The following PTPRG variants were observed in gnomAD, a reference collection of about 807,000 sequenced individuals.
The protein encoded by PTPRG is receptor-type tyrosine-protein phosphatase gamma.
In PTPRG, 102 loss-of-function variants were observed where a neutral mutation model predicts 165.3. The observed-to-expected ratio is 0.62, with a 90% CI of 0.53 to 0.73. The LOEUF (loss-of-function observed/expected upper bound fraction) is 0.73. Among genes scored for constraint, PTPRG ranks in the 30% least tolerant of loss-of-function variants. PTPRG has a pLI of 0.00. For synonymous variants in PTPRG, 675 were observed against 669.5 expected, an observed-to-expected ratio of 1.01 and a Z score of -0.13; for missense variants, 1,866 against 1,861.4, an observed-to-expected ratio of 1.00 and a Z score of -0.05.
chr3:61,895,409 A>AT (rs1163606928), intron 2 of PTPRG, among the ~76,000 whole-genome samples: 1 of 151,984 alleles, frequency 6.6e-6, no homozygotes, highest in African/African-American at 2.4e-5. Context: ...TTGTCTTTTT[A>AT]TTTTTTCTTA....
intron 2 of PTPRG, among the ~76,000 whole-genome samples, chr3:61,862,886 C>G (rs867463936): frequency 6.6e-6 from 1 of 152,290 alleles, no homozygotes; most frequent in East Asian, 1.9e-4. Context: ...CCAAGTCCCT[C>G]CTACTATGTG....
intron 4 of PTPRG, among the ~76,000 whole-genome samples, chr3:62,046,031 C>T (rs184501087): frequency 6.6e-6 from 1 of 152,108 alleles, no homozygotes; most frequent in African/African-American, 2.4e-5. Context: ...TTCTCTTCCC[C>T]CTGTGAGGTG....
chr3:62,231,947 C>T (rs367546504), intron 14 of PTPRG, among the ~76,000 whole-genome samples: 23 of 152,052 alleles, frequency 1.5e-4, no homozygotes, highest in East Asian at 9.7e-4. Flanking sequence ...TTTTAATCAC[C>T]ACACTTGAGT....
At chr3:61,753,208 TAA>T (rs1395883651) in intron 2 of PTPRG, among the ~76,000 whole-genome samples, 1 of 152,202 alleles carries the variant, frequency 6.6e-6, no homozygotes, top group African/African-American at 2.4e-5. Flanking sequence ...AACATAAATA[TAA>T]GTTATTGTTG....
At chr3:62,176,389 G>A (rs1308540426) in intron 8 of PTPRG, among the ~76,000 whole-genome samples, 2 of 152,160 alleles carry the variant, frequency 1.3e-5, no homozygotes, top group African/African-American at 2.4e-5. Context: ...GAGCTCAGAC[G>A]TGAACCAAGA....
chr3:62,273,816 G>C lies in PTPRG; in HGVS notation c.3437G>C (p.Gly1146Ala), dbSNP rs770154100. 4 of 1,613,610 alleles carry C rather than the reference G, an allele frequency of 2.5e-6. No individual in the cohort carries two copies. The highest frequency in any genetic ancestry group is 3.3e-5 in the Admixed American group (2 of 59,960). ...AGCATCCTTATACCAGGAGTAGGAG[G>C]AAAGACACGACTGGAAAAGCAATTC... is the stretch of plus-strand genomic sequence containing the variant. ...VNSILIPGVG[G>A]KTRLEKQFKL... is the part of the protein sequence containing the mutation. Residue 1146 changes from glycine (G) to alanine (A), a missense_variant, in exon 23 of 30, where the codon GGA (glycine) becomes GCA (alanine). This residue lies in a region of PTPRG where 1,452 missense variants were observed against 1,463.0 expected (regional missense o/e 0.99). Coordinates refer to ENST00000474889, the MANE Select transcript of PTPRG (RefSeq NM_002841.4). The surrounding 1 kb of genome is among the most constrained non-coding windows in gnomAD (Gnocchi z 4.1).
At position 61,742,952 on chromosome 3, in the gene PTPRG, C is replaced by T; in HGVS notation, c.86-5926C>T. ...GGGCGGGGAGTGGACTTAAGTCTGA[C>T]GGTGCCCGAGAAGCACTTGTCCTTC... On this transcript the variant is annotated intron_variant, in intron 1 of 29. Transcript: ENST00000474889. 5 of 1,478,372 alleles carry T rather than the reference C, an allele frequency of 3.4e-6. No individual in the cohort carries two copies. The Admixed American group carries it at 5.0e-5, about 15-fold the overall frequency. The allele number at this position is 1,478,372 out of a possible 1,614,324, so 91.6% of individuals were successfully genotyped here. A position where few individuals can be genotyped will look rare whatever the true frequency, so the allele number is the denominator to read the frequency against.
chr3:62,189,938 C>T (rs1699766086), intron 8 of PTPRG, among the ~76,000 whole-genome samples: 2 of 152,166 alleles, frequency 1.3e-5, no homozygotes, highest in South Asian at 4.1e-4. Flanking sequence ...CCCACCGGAT[C>T]CCTTTACAGC....
chr3:62,195,053 T>TA lies in PTPRG; in HGVS notation c.1219-8dup, dbSNP rs1440569430. 1.2e-6 allele frequency: 2 copies of TA among 1,613,330 alleles called. No homozygotes were observed. The highest frequency in any genetic ancestry group is 1.7e-6 in the Non-Finnish European group (2 of 1,179,370). On this transcript the variant is annotated splice_polypyrimidine_tract_variant and intron_variant, in intron 9 of 29. Coordinates refer to ENST00000474889, the MANE Select transcript of PTPRG (RefSeq NM_002841.4). The surrounding 1 kb of genome is among the most constrained non-coding windows in gnomAD (Gnocchi z 4.4). Reference sequence around the variant, plus strand: ...ACTAACTCACTGCTTTTTCCTTCTTTACTTACAGAAAGCCACCATTAGCCA... The same window carrying TA: ...ACTAACTCACTGCTTTTTCCTTCTTTAACTTACAGAAAGCCACCATTAGCCA...
chr3:61,711,595 C>T (rs964160698), intron 1 of PTPRG, among the ~76,000 whole-genome samples: 15 of 152,076 alleles, frequency 9.9e-5, no homozygotes, highest in East Asian at 1.9e-4. Flanking sequence ...TCATATCCTT[C>T]GCCCACTTTT....
At position 62,271,595 on chromosome 3, in the gene PTPRG, G is replaced by C. The variant is rs756472050; in HGVS notation, c.3182+40G>C. On this transcript the variant is annotated intron_variant, in intron 21 of 29. Transcript: ENST00000474889. This position sits in a 1 kb window ranked among gnomAD's most constrained non-coding sequence, Gnocchi z 4.1. ...TCAACATGTGAAATAGATGGGGCAG[G>C]GGACTTAGGCCTCAGTGACCTTGGA... 11 of 1,573,718 alleles carry C rather than the reference G, an allele frequency of 7.0e-6. No homozygotes were observed. The highest frequency in any genetic ancestry group is 7.8e-6 in the Non-Finnish European group (9 of 1,156,572).
intron 2 of PTPRG, among the ~76,000 whole-genome samples, chr3:61,923,333 TC>T (rs1016805319): frequency 2.0e-5 from 3 of 152,324 alleles, no homozygotes; most frequent in Non-Finnish European, 1.5e-5. Context: ...TATTTGCTGT[TC>T]CTATGCATAT....
chr3:62,075,564 A>T (rs1383026671), intron 4 of PTPRG, among the ~76,000 whole-genome samples: 1 of 152,200 alleles, frequency 6.6e-6, no homozygotes, highest in East Asian at 1.9e-4. Context: ...AACTCTCCAA[A>T]AGAAAACTAC....
intron 2 of PTPRG, among the ~76,000 whole-genome samples, chr3:61,752,592 A>G (rs868400333): frequency 6.6e-6 from 1 of 151,912 alleles, no homozygotes; most frequent in African/African-American, 2.4e-5. Flanking sequence ...GGAGTTCGAG[A>G]CCTGCCAACA....
At chr3:61,908,155 C>T (rs1056385271) in intron 2 of PTPRG, among the ~76,000 whole-genome samples, 5 of 144,326 alleles carry the variant, frequency 3.5e-5, no homozygotes, top group East Asian at 2.1e-4. Context: ...AAAAATCGGC[C>T]GGGCTCACGC....
intron 2 of PTPRG, among the ~76,000 whole-genome samples, chr3:61,808,963 T>C (rs146871058): frequency 8.7e-5 from 13 of 149,888 alleles, no homozygotes; most frequent in African/African-American, 3.2e-4. Context: ...CTGTTGGATT[T>C]AATCTGTTTT....
At chr3:62,175,064 G>C (rs1324773719) in intron 8 of PTPRG, among the ~76,000 whole-genome samples, 1 of 152,154 alleles carries the variant, frequency 6.6e-6, no homozygotes, top group Admixed American at 6.5e-5. Context: ...TGAAGGTCCT[G>C]CCATATTATA....
At chr3:62,288,815 CAG>C (rs1353151784) in intron 28 of PTPRG, among the ~76,000 whole-genome samples, 3 of 151,842 alleles carry the variant, frequency 2.0e-5, no homozygotes, top group Admixed American at 1.3e-4. Context: ...GGGGACGAAA[CAG>C]AAATGAAATG....
chr3:61,594,366 C>G (rs1316500), intron 1 of PTPRG, among the ~76,000 whole-genome samples: 51,711 of 151,642 alleles, frequency 0.34, 9,867 homozygotes, highest in South Asian at 0.5. Context: ...CTGAGTGGAC[C>G]AAGTGTGAAT....
Sources: gnomAD v4.1 joint callset for allele counts (sites outside exome capture counted in the v4.1 genomes callset) on GRCh38, gnomAD v4.1.1 for gene constraint, gnomAD v4.1.1 regional missense constraint, Gnocchi (gnomAD v3.1) non-coding constraint, MANE v1.5 for transcripts, NCBI Gene and HGNC (gene_info 2026-07-23, HGNC 2026-07-21) for gene names.